IL20RB: variants seen among roughly 807,000 people sequenced by gnomAD.
IL20RB encodes the protein interleukin-20 receptor subunit beta.
IL20RB carries 21 observed loss-of-function variants against 33.3 expected under a neutral mutation model. That is an observed-to-expected ratio of 0.63 (90% CI 0.45 to 0.91). IL20RB has a LOEUF of 0.91. IL20RB is among the 40% of genes least tolerant of loss of function. IL20RB has a pLI of 0.00. For missense variants in IL20RB, 345 were observed against 384.8 expected (o/e 0.90, Z 0.86); for synonymous variants, 147 against 146.8 (o/e 1.00, Z -0.01).
chr3:136,970,738 C>T (rs1309661347), intron 1 of IL20RB, among the ~76,000 whole-genome samples: 5 of 150,892 alleles, frequency 3.3e-5, no homozygotes, highest in African/African-American at 4.9e-5. Flanking sequence ...CTGCAACCTC[C>T]GCCTCCCAGG....
intron 1 of IL20RB, among the ~76,000 whole-genome samples, chr3:136,961,726 C>T (rs35289288): frequency 0.47 from 70,703 of 151,962 alleles, 16,965 homozygotes; most frequent in East Asian, 0.7. Flanking sequence ...TGTGCCAGTA[C>T]TGGCTTTTTA....
At chr3:136,960,643 AT>A in intron 1 of IL20RB, among the ~76,000 whole-genome samples, 1 of 152,186 alleles carries the variant, frequency 6.6e-6, no homozygotes, top group East Asian at 1.9e-4. Context: ...GTTAGGTGTT[AT>A]CCCCATTCCA....
intron 6 of IL20RB, among the ~76,000 whole-genome samples, chr3:136,997,069 G>A (rs1412064572): frequency 1.3e-5 from 2 of 151,680 alleles, no homozygotes; most frequent in African/African-American, 4.8e-5. Flanking sequence ...AAATGCCACC[G>A]AGTGTGGGCA....
chr3:136,988,300 A>G (rs1439044142), intron 3 of IL20RB, among the ~76,000 whole-genome samples: 1 of 152,142 alleles, frequency 6.6e-6, no homozygotes. Flanking sequence ...GGGTGTAGAG[A>G]CTATCTGTGT....
chr3:136,989,664 C>A, intron 4 of IL20RB, 99 bp downstream of exon 4: 1 of 1,390,072 alleles, frequency 7.2e-7, no homozygotes, highest in Non-Finnish European at 1.0e-6. Flanking sequence ...ACTGGGTGAC[C>A]TGGGGATGAG....
At chr3:136,990,555 G>A (rs1265139705) in intron 4 of IL20RB, among the ~76,000 whole-genome samples, 1 of 152,052 alleles carries the variant, frequency 6.6e-6, no homozygotes, top group Non-Finnish European at 1.5e-5. Flanking sequence ...TCTCTCCTTT[G>A]TCCCTGCTTC....
intron 6 of IL20RB, among the ~76,000 whole-genome samples, chr3:137,006,642 C>T (rs1219204575): frequency 6.6e-6 from 1 of 152,130 alleles, no homozygotes; most frequent in Non-Finnish European, 1.5e-5. Context: ...GTCTTCTCTA[C>T]ACTGTTTATT....
At chr3:136,963,403 C>A (rs192976572) in intron 1 of IL20RB, among the ~76,000 whole-genome samples, 1 of 152,288 alleles carries the variant, frequency 6.6e-6, no homozygotes, top group Non-Finnish European at 1.5e-5. Context: ...TACATTCCTA[C>A]CAACAATGTA....
At chr3:136,969,839 A>T (rs1237054981) in intron 1 of IL20RB, among the ~76,000 whole-genome samples, 1 of 152,148 alleles carries the variant, frequency 6.6e-6, no homozygotes, top group African/African-American at 2.4e-5. Context: ...GCATAGCAAA[A>T]GTTTTTAATT....
At chr3:136,998,129 CTTTTTTTT>C (rs35491086) in intron 6 of IL20RB, among the ~76,000 whole-genome samples, 4 of 119,414 alleles carry the variant, frequency 3.3e-5, no homozygotes, top group Non-Finnish European at 6.9e-5. Context: ...ATTTTCTTTT[CTTTTTTTT>C]TTTTTTTTTT....
At chr3:136,987,361 G>T (rs532062306) in intron 3 of IL20RB, among the ~76,000 whole-genome samples, 1 of 152,064 alleles carries the variant, frequency 6.6e-6, no homozygotes, top group African/African-American at 2.4e-5. Flanking sequence ...ACAGAGTGTC[G>T]ATTGGTGCAC....
intron 6 of IL20RB, among the ~76,000 whole-genome samples, chr3:137,006,824 C>T (rs1942359347): frequency 6.6e-6 from 1 of 152,220 alleles, no homozygotes; most frequent in Non-Finnish European, 1.5e-5. Flanking sequence ...TGGCGAGGAG[C>T]TGTGATCCTT....
At chr3:136,984,169 G>A (rs1243261584) in intron 3 of IL20RB, among the ~76,000 whole-genome samples, 2 of 152,208 alleles carry the variant, frequency 1.3e-5, no homozygotes, top group Non-Finnish European at 2.9e-5. Flanking sequence ...AGGCTTGGAA[G>A]TAGACGAGAC....
intron 1 of IL20RB, among the ~76,000 whole-genome samples, chr3:136,976,222 G>A (rs1438080745): frequency 1.3e-5 from 2 of 152,216 alleles, no homozygotes; most frequent in Non-Finnish European, 2.9e-5. Context: ...AGAAGGGAGT[G>A]AAGCTGGGTT....
At chr3:136,986,993 A>C (rs1941917056) in intron 3 of IL20RB, among the ~76,000 whole-genome samples, 2 of 152,118 alleles carry the variant, frequency 1.3e-5, no homozygotes, top group African/African-American at 4.8e-5. Context: ...CGCTGGCTTC[A>C]GGAGTGAAGC....
intron 3 of IL20RB, among the ~76,000 whole-genome samples, chr3:136,983,094 CT>C (rs796518012): frequency 2.8e-4 from 41 of 146,496 alleles, no homozygotes; most frequent in Admixed American, 2.1e-4. Context: ...AGGTCTATCT[CT>C]TTTTTTTTTT....
At chr3:137,010,076 T>C (rs749014896) in intron 6 of IL20RB, 37 bp from the exon 7 acceptor site, 8 of 905,696 alleles carry the variant, frequency 8.8e-6, no homozygotes, top group African/African-American at 1.6e-5. Context: ...CTACTACTGC[T>C]ATCCTCTAAT....
chr3:136,995,733 AT>A (rs931813510), intron 6 of IL20RB, among the ~76,000 whole-genome samples, 177 bp downstream of exon 6: 5 of 152,076 alleles, frequency 3.3e-5, no homozygotes, highest in African/African-American at 9.7e-5. Flanking sequence ...ACTGGAAGAA[AT>A]CTCCCTTCTC....
chr3:136,995,280 C>A, intron 5 of IL20RB, 134 bp from the exon 6 acceptor site: 1 of 1,060,754 alleles, frequency 9.4e-7, no homozygotes, highest in Non-Finnish European at 1.4e-6. Flanking sequence ...GGGCACACAT[C>A]AAATCTCAGG....
Sources: allele counts gnomAD v4.1 joint callset (sites outside exome capture counted in the v4.1 genomes callset), GRCh38; gene constraint gnomAD v4.1.1; transcripts MANE v1.5; gene names NCBI Gene and HGNC (gene_info 2026-07-23, HGNC 2026-07-21).